Variants in P3H2 observed in about 807,000 individuals in gnomAD.
The protein encoded by P3H2 is prolyl 3-hydroxylase 2.
P3H2 carries 80 observed loss-of-function variants against 87.0 expected under a neutral mutation model. The ratio of observed to expected loss-of-function variants is 0.92; its 90% CI spans 0.77 to 1.11. The LOEUF (loss-of-function observed/expected upper bound fraction) is 1.11. Ranked by LOEUF, P3H2 falls within the 50% of genes least tolerant of loss-of-function variation. The pLI is 0.00. For missense variants in P3H2, 1,001 were observed against 923.9 expected (o/e 1.08, Z -1.08); for synonymous variants, 367 against 359.3 (o/e 1.02, Z -0.24).
chr3:190,005,237 C>T (rs1724351329), intron 1 of P3H2, among the ~76,000 whole-genome samples: 1 of 152,114 alleles, frequency 6.6e-6, no homozygotes, highest in Non-Finnish European at 1.5e-5. Flanking sequence ...TGTGAAATGA[C>T]AAAGCCTCAG....
chr3:189,959,853 A>G (rs1722756334), intron 14 of P3H2, among the ~76,000 whole-genome samples: 1 of 142,398 alleles, frequency 7.0e-6, no homozygotes, highest in Non-Finnish European at 1.5e-5. Flanking sequence ...CCAGGACTGG[A>G]GGAGATATGT....
At chr3:190,105,156 C>T (rs561185959) in intron 1 of P3H2, among the ~76,000 whole-genome samples, 3 of 152,192 alleles carry the variant, frequency 2.0e-5, no homozygotes, top group Non-Finnish European at 2.9e-5. Flanking sequence ...GGTGCTTGCA[C>T]CTTAAATACA....
chr3:189,957,232 G>GGGGCTCCAAC lies in P3H2; in HGVS notation c.*679_*680insGTTGGAGCCC. ...ACCTGAGGCAGCGTGGACTCTGCCA[G>GGGGCTCCAAC]GGGCTCCTCAGACCCAAAGTGGAGC... On this transcript the variant is annotated 3_prime_UTR_variant, in exon 15 of 15. Coordinates refer to ENST00000319332, the MANE Select transcript of P3H2 (RefSeq NM_018192.4). 2.5e-6 allele frequency: 1 copy of GGGGCTCCAAC among 399,374 alleles called. No individual in the cohort carries two copies. The allele number at this position is 399,374 out of a possible 1,614,324, so 24.7% of individuals were successfully genotyped here.
chr3:190,108,228 T>C lies in P3H2; in HGVS notation c.480+12024A>G, dbSNP rs566519477. 2.0e-5 allele frequency among the ~76,000 whole-genome samples: 3 copies of C among 152,202 alleles called. No individual in the cohort carries two copies. In the East Asian group the frequency reaches 5.8e-4, roughly 29 times the overall value. On this transcript the variant is annotated intron_variant, in intron 1 of 14. Coordinates refer to ENST00000319332, the MANE Select transcript of P3H2 (RefSeq NM_018192.4). ...GTGCAGTGGTGCAATCATGGCTCAC[T>C]GTAGCCTCAAACTCCTGGGCTCAAG...
chr3:189,960,614 C>T (rs889388342), intron 14 of P3H2, among the ~76,000 whole-genome samples: 11 of 152,174 alleles, frequency 7.2e-5, no homozygotes, highest in African/African-American at 2.2e-4. Flanking sequence ...GCTAAGGATT[C>T]TTACCAAAAC....
At chr3:189,963,917 A>G (rs1234651347) in intron 14 of P3H2, 41 bp downstream of exon 14, 4 of 1,611,844 alleles carry the variant, frequency 2.5e-6, no homozygotes, top group Non-Finnish European at 3.4e-6. Flanking sequence ...GCAGTTCATG[A>G]AGCAAGCCTA....
intron 1 of P3H2, among the ~76,000 whole-genome samples, chr3:190,103,518 G>A (rs141478101): frequency 1.0e-3 from 152 of 152,278 alleles, no homozygotes; most frequent in African/African-American, 3.4e-3. Context: ...TTGGGAAAGT[G>A]GACCAGGATG....
At chr3:190,011,136 A>C (rs796232637) in intron 1 of P3H2, among the ~76,000 whole-genome samples, 13 of 152,228 alleles carry the variant, frequency 8.5e-5, no homozygotes, top group Admixed American at 3.3e-4. Flanking sequence ...TTAACTGGGC[A>C]TGGTGGCACG....
At chr3:190,115,694 G>A (rs954099375) in intron 1 of P3H2, among the ~76,000 whole-genome samples, 3 of 152,192 alleles carry the variant, frequency 2.0e-5, no homozygotes, top group Non-Finnish European at 4.4e-5. Context: ...GTCCTGAAAC[G>A]TTCTCTTCCA....
intron 1 of P3H2, among the ~76,000 whole-genome samples, chr3:190,103,520 A>G (rs767667616): frequency 2.5e-4 from 38 of 152,290 alleles, no homozygotes; most frequent in Non-Finnish European, 4.3e-4. Flanking sequence ...GGGAAAGTGG[A>G]CCAGGATGAT....
chr3:190,053,935 G>T (rs1466748301), intron 1 of P3H2, among the ~76,000 whole-genome samples: 2 of 152,042 alleles, frequency 1.3e-5, no homozygotes, highest in Non-Finnish European at 2.9e-5. Flanking sequence ...CTACACATAG[G>T]TCTACAATCT....
intron 1 of P3H2, among the ~76,000 whole-genome samples, chr3:190,009,685 C>G (rs1025729020): frequency 2.0e-5 from 3 of 152,138 alleles, no homozygotes; most frequent in African/African-American, 7.2e-5. Flanking sequence ...ATGAATATAG[C>G]CTTCCATCTG....
chr3:190,041,074 A>T lies in P3H2; in HGVS notation c.481-45632T>A, dbSNP rs1725604761. 4.4e-5 allele frequency among the ~76,000 whole-genome samples: 2 copies of T among 45,606 alleles called. 1 individual carries two copies. The highest frequency in any genetic ancestry group is 2.1e-4 in the African/African-American group (2 of 9,394). 29.9% of individuals were successfully genotyped at this position (45,606 alleles called of 152,430 possible). A position where few individuals can be genotyped will look rare whatever the true frequency, so the allele number is the denominator to read the frequency against. On this transcript the variant is annotated intron_variant, in intron 1 of 14. Transcript: ENST00000319332. ...CACACACACACACACACACACACAC[A>T]CACACACTCTCTCTCTCTATATATA...
At chr3:190,084,896 T>C (rs1290412027) in intron 1 of P3H2, among the ~76,000 whole-genome samples, 1 of 151,536 alleles carries the variant, frequency 6.6e-6, no homozygotes, top group African/African-American at 2.4e-5. Context: ...CATAGCTCTG[T>C]ACCTAAGGGT....
At chr3:189,972,097 T>C (rs761611735) in intron 11 of P3H2, 90 bp from the exon 12 acceptor site, 33 of 831,254 alleles carry the variant, frequency 4.0e-5, no homozygotes, top group Non-Finnish European at 6.7e-5. Context: ...CCAGTCCTGA[T>C]GATCTTTGCA....
intron 3 of P3H2, among the ~76,000 whole-genome samples, chr3:189,990,470 C>T (rs2108921231): frequency 6.7e-6 from 1 of 148,928 alleles, no homozygotes; most frequent in African/African-American, 2.5e-5. Context: ...GCGAAAGATA[C>T]CCACCGAGAA....
At chr3:190,093,016 C>T (rs1727463966) in intron 1 of P3H2, among the ~76,000 whole-genome samples, 1 of 152,184 alleles carries the variant, frequency 6.6e-6, no homozygotes, top group South Asian at 2.1e-4. Flanking sequence ...TCCAATTCAC[C>T]ACCCAAAATT....
At chr3:190,110,661 T>C (rs148177094) in intron 1 of P3H2, among the ~76,000 whole-genome samples, 1,578 of 152,302 alleles carry the variant, frequency 0.01, 32 homozygotes, top group African/African-American at 0.036. Flanking sequence ...TTTGAGCTCA[T>C]TTTTAAAAAA....
chr3:189,990,479 A>G (rs1560351383), intron 3 of P3H2, among the ~76,000 whole-genome samples: 1 of 152,158 alleles, frequency 6.6e-6, no homozygotes, highest in Non-Finnish European at 1.5e-5. Context: ...ACCCACCGAG[A>G]ACTCAAAATC....
Sources: gnomAD v4.1 joint callset for allele counts (sites outside exome capture counted in the v4.1 genomes callset) on GRCh38, gnomAD v4.1.1 for gene constraint, MANE v1.5 for transcripts, NCBI Gene and HGNC (gene_info 2026-07-23, HGNC 2026-07-21) for gene names.